Variants in TRPM1 observed in about 807,000 individuals in gnomAD.
TRPM1 encodes transient receptor potential cation channel subfamily M member 1, also known as TRPM1-203 APA Isoform, Intron 10.
TRPM1 carries 113 observed loss-of-function variants against 149.4 expected under a neutral mutation model. The observed-to-expected ratio is 0.76, with a 90% CI of 0.65 to 0.88. TRPM1 has a LOEUF of 0.88. Among genes scored for constraint, TRPM1 ranks in the 40% least tolerant of loss-of-function variants. The probability of loss-of-function intolerance (pLI) is 0.00; values close to 1 mark genes in which losing one functional copy is unlikely to be tolerated. For missense variants in TRPM1, 1,976 were observed against 2,038.7 expected (o/e 0.97, Z 0.59); for synonymous variants, 741 against 759.5 (o/e 0.98, Z 0.40).
In TRPM1 at chr15:31,087,231, ATTTTTTT is replaced by A. The variant is rs58872566; in HGVS notation, c.-83-5800_-83-5794del. Among the ~76,000 whole-genome samples the A allele has an allele frequency of 4.4e-4, 26 of 59,442 alleles. No homozygotes were observed. The South Asian group carries it at 4.8e-3, about 11-fold the overall frequency. 39.0% of individuals were successfully genotyped at this position (59,442 alleles called of 152,430 possible). ...AGCAGTTAAGCAGGTCTCAATAGGG[ATTTTTTT>A]TTTTTTTTTTTTTTTTTTTTTTTTG... On this transcript the variant is annotated intron_variant, in intron 1 of 27. Coordinates refer to ENST00000256552, the MANE Select transcript of TRPM1 (RefSeq NM_001252024.2).
intron 1 of TRPM1, among the ~76,000 whole-genome samples, chr15:31,092,865 G>A (rs1027520904): frequency 4.6e-5 from 7 of 152,180 alleles, no homozygotes; most frequent in Non-Finnish European, 1.0e-4. Flanking sequence ...GAAAAGAAAT[G>A]AGTCATCAAA....
At chr15:31,125,723 C>A (rs1172949534) in intron 1 of TRPM1, among the ~76,000 whole-genome samples, 1 of 67,050 alleles carries the variant, frequency 1.5e-5, no homozygotes, top group Admixed American at 2.1e-4. Flanking sequence ...GAGCGAGACT[C>A]CGTCTCAAAA....
chr15:31,159,380 T>A (rs576857269), intron 1 of TRPM1, among the ~76,000 whole-genome samples: 1 of 152,090 alleles, frequency 6.6e-6, no homozygotes, highest in Non-Finnish European at 1.5e-5. Context: ...GCAAGAACAG[T>A]GTGGGCCAGC....
intron 1 of TRPM1, among the ~76,000 whole-genome samples, chr15:31,125,417 A>C (rs557608283): frequency 9.2e-5 from 14 of 152,220 alleles, no homozygotes; most frequent in Admixed American, 3.9e-4. Flanking sequence ...CTACTCTGAA[A>C]AAGAAATTCT....
At chr15:31,119,706 CAAT>C (rs2035851429) in intron 1 of TRPM1, among the ~76,000 whole-genome samples, 1 of 152,110 alleles carries the variant, frequency 6.6e-6, no homozygotes, top group East Asian at 1.9e-4. Context: ...AAATAAATGA[CAAT>C]GATGTTATAA....
intron 18 of TRPM1, among the ~76,000 whole-genome samples, chr15:31,039,863 G>C (rs2033553688): frequency 6.6e-6 from 1 of 152,138 alleles, no homozygotes; most frequent in Non-Finnish European, 1.5e-5. Flanking sequence ...TGGTGGGCTG[G>C]TCAGGTGGGG....
At position 31,159,019 on chromosome 15, in the gene TRPM1, G is replaced by A. The variant is rs1300534305; in HGVS notation, c.54+1887C>T. Among the ~76,000 whole-genome samples the A allele has an allele frequency of 2.0e-5, 3 of 152,022 alleles. No homozygotes were observed. The East Asian group carries it at 5.8e-4, about 29-fold the overall frequency. On this transcript the variant is annotated intron_variant, in intron 1 of 26. Transcript: ENST00000542188. Reference sequence around the variant, plus strand: ...AGCAAGTCCCAGCCCCATTTCCCCAGCCCTCACTCAAATGGAGTCGCTCTG... The same window carrying A: ...AGCAAGTCCCAGCCCCATTTCCCCAACCCTCACTCAAATGGAGTCGCTCTG...
At chr15:31,010,232 C>T (rs1242153851) in intron 27 of TRPM1, among the ~76,000 whole-genome samples, 1 of 152,218 alleles carries the variant, frequency 6.6e-6, no homozygotes, top group Non-Finnish European at 1.5e-5. Context: ...TTCTGACATG[C>T]TTTCTGTGGA....
At chr15:31,044,198 C>T (rs925132137) in intron 16 of TRPM1, among the ~76,000 whole-genome samples, 1 of 152,134 alleles carries the variant, frequency 6.6e-6, no homozygotes, top group Non-Finnish European at 1.5e-5. Flanking sequence ...CTTATCCAAA[C>T]CTGTGGAATA....
intron 1 of TRPM1, among the ~76,000 whole-genome samples, chr15:31,121,223 CA>C (rs71420549): frequency 4.5e-3 from 266 of 59,374 alleles, no homozygotes; most frequent in East Asian, 0.015. Context: ...GACTCCATCT[CA>C]AAAAAAAAAA....
intron 1 of TRPM1, among the ~76,000 whole-genome samples, chr15:31,118,863 C>T (rs1366590656): frequency 6.6e-6 from 1 of 151,062 alleles, no homozygotes; most frequent in Non-Finnish European, 1.5e-5. Context: ...CTATAATTAC[C>T]ATCACATTGG....
intron 20 of TRPM1, among the ~76,000 whole-genome samples, chr15:31,036,699 C>G (rs1026343039): frequency 1.3e-5 from 2 of 152,242 alleles, no homozygotes; most frequent in Non-Finnish European, 2.9e-5. Context: ...GCCTCTATGG[C>G]TGGGCTCTCC....
intron 1 of TRPM1, among the ~76,000 whole-genome samples, chr15:31,110,907 C>T (rs1471732783): frequency 3.3e-5 from 5 of 149,982 alleles, no homozygotes; most frequent in African/African-American, 1.0e-4. Context: ...CTCTCTCCCC[C>T]CCCTTCCCTC....
chr15:31,072,018 T>TATATATATATATAGAGAG (rs1400392427), intron 3 of TRPM1, among the ~76,000 whole-genome samples: 1 of 36,898 alleles, frequency 2.7e-5, no homozygotes, highest in African/African-American at 1.1e-4. Flanking sequence ...TATATATATA[T>TATATATATATATAGAGAG]AGAGAGAGAG....
intron 2 of TRPM1, among the ~76,000 whole-genome samples, chr15:31,078,796 C>A (rs748192357): frequency 3.3e-5 from 5 of 152,304 alleles, no homozygotes; most frequent in Admixed American, 3.3e-4. Flanking sequence ...CCCAGAGAAG[C>A]TGGGAAGCCC....
At chr15:31,104,586 CTTTTTTTTTTTT>C (rs928062797), upstream of TRPM1, among the ~76,000 whole-genome samples, 2 of 87,466 alleles carry the variant, frequency 2.3e-5, no homozygotes, top group Non-Finnish European at 2.0e-5. Flanking sequence ...GGTGATCTTC[CTTTTTTTTTTTT>C]TTTTTTTTTT....
chr15:31,102,844 C>T (rs2035542774), upstream of TRPM1, among the ~76,000 whole-genome samples: 2 of 152,244 alleles, frequency 1.3e-5, no homozygotes, highest in Admixed American at 1.3e-4. Flanking sequence ...GCGCGCACAG[C>T]CCCTGGGCGC....
intron 1 of TRPM1, among the ~76,000 whole-genome samples, chr15:31,149,688 T>G (rs924869120): frequency 2.0e-5 from 3 of 152,036 alleles, no homozygotes; most frequent in East Asian, 1.9e-4. Flanking sequence ...CCTGGCTAAT[T>G]TTTTGTATTT....
intron 1 of TRPM1, among the ~76,000 whole-genome samples, chr15:31,136,528 C>G (rs904370308): frequency 6.6e-6 from 1 of 152,236 alleles, no homozygotes; most frequent in African/African-American, 2.4e-5. Context: ...GGTTAGGCTG[C>G]TACTGAAACA....
Sources: gnomAD v4.1 joint callset for allele counts (sites outside exome capture counted in the v4.1 genomes callset) on GRCh38, gnomAD v4.1.1 for gene constraint, MANE v1.5 for transcripts, NCBI Gene and HGNC (gene_info 2026-07-23, HGNC 2026-07-21) for gene names.